Variants in ESRRG observed in about 807,000 individuals in gnomAD.
The protein encoded by ESRRG is estrogen related receptor gamma.
Under a neutral mutation model 44.0 loss-of-function variants are expected in ESRRG, and 13 were observed. The observed-to-expected ratio is 0.30, with a 90% CI of 0.19 to 0.47. ESRRG has a LOEUF of 0.47. Among genes scored for constraint, ESRRG ranks in the 20% least tolerant of loss-of-function variants. ESRRG has a pLI of 1.00. For missense variants in ESRRG, 395 were observed against 580.6 expected (o/e 0.68, Z 3.29); for synonymous variants, 215 against 214.6 (o/e 1.00, Z -0.02).
intron 1 of ESRRG, among the ~76,000 whole-genome samples, chr1:217,070,183 T>G (rs2090375056): frequency 6.6e-6 from 1 of 152,094 alleles, no homozygotes; most frequent in South Asian, 2.1e-4. Context: ...ACTACATAAC[T>G]CAGTTTCTTC....
chr1:216,521,030 G>GA (rs2045945302), intron 5 of ESRRG, among the ~76,000 whole-genome samples: 1 of 152,124 alleles, frequency 6.6e-6, no homozygotes, highest in South Asian at 2.1e-4. Flanking sequence ...CATCAGAAGA[G>GA]ATGAGTCAAG....
intron 1 of ESRRG, among the ~76,000 whole-genome samples, chr1:216,961,338 A>G (rs1055215354): frequency 1.2e-4 from 18 of 152,218 alleles, no homozygotes; most frequent in Non-Finnish European, 1.9e-4. Context: ...CAGTCAGCAA[A>G]AAGAAAATTA....
chr1:216,878,223 T>C (rs1346085772), intron 2 of ESRRG, among the ~76,000 whole-genome samples: 1 of 152,230 alleles, frequency 6.6e-6, no homozygotes, highest in Admixed American at 6.5e-5. Flanking sequence ...ATTCCTCTTC[T>C]GTAAACTGCC....
intron 1 of ESRRG, among the ~76,000 whole-genome samples, chr1:216,951,451 A>G (rs1187564924): frequency 6.6e-6 from 1 of 152,142 alleles, no homozygotes; most frequent in Non-Finnish European, 1.5e-5. Flanking sequence ...TTAAGCTGTC[A>G]CTCAAAAACT....
At chr1:216,669,261 T>C (rs1274982676) in intron 2 of ESRRG, among the ~76,000 whole-genome samples, 1 of 152,168 alleles carries the variant, frequency 6.6e-6, no homozygotes, top group Non-Finnish European at 1.5e-5. Flanking sequence ...AAAAGTATAA[T>C]TTAGGTGACT....
At chr1:216,592,907 G>A (rs944270325) in intron 3 of ESRRG, among the ~76,000 whole-genome samples, 8 of 152,062 alleles carry the variant, frequency 5.3e-5, no homozygotes, top group South Asian at 2.1e-4. Context: ...CATCTGATTC[G>A]CATATTTATT....
chr1:217,073,344 T>C (rs1440869083), intron 1 of ESRRG, among the ~76,000 whole-genome samples: 1 of 152,016 alleles, frequency 6.6e-6, no homozygotes, highest in Non-Finnish European at 1.5e-5. Flanking sequence ...AGGAGATTAG[T>C]TGTTGGAAGG....
At chr1:216,746,267 G>A (rs1341008172) in intron 2 of ESRRG, among the ~76,000 whole-genome samples, 2 of 152,266 alleles carry the variant, frequency 1.3e-5, no homozygotes, top group East Asian at 3.9e-4. Flanking sequence ...TCTGCTGCCA[G>A]GGTCTGAACT....
intron 3 of ESRRG, among the ~76,000 whole-genome samples, chr1:216,618,831 G>A (rs942710831): frequency 6.6e-6 from 1 of 152,234 alleles, no homozygotes; most frequent in Non-Finnish European, 1.5e-5. Flanking sequence ...AATTCTCAAA[G>A]AGAGATATAT....
chr1:217,080,633 TTTTG>T lies in ESRRG; in HGVS notation c.-106+8870_-106+8873del, dbSNP rs200325050. On this transcript the variant is annotated intron_variant, in intron 1 of 7. Transcript: ENST00000359162. ...GGGTCCACTCCAGTTTCTAGTGTTT[TTTTG>T]TTTGTTTGTTTGTTTGTTTGTTTTG... 3.5e-3 allele frequency among the ~76,000 whole-genome samples: 524 copies of T among 151,282 alleles called. 7 individuals carry two copies. The highest frequency in any genetic ancestry group is 9.2e-3 in the South Asian group (44 of 4,802).
rs945010884 is a variant in ESRRG, at chr1:217,009,775, G to T, written c.-105-70102C>A. Among the ~76,000 whole-genome samples, 12 of 135,694 alleles carry T rather than the reference G, an allele frequency of 8.8e-5. 1 individual carries two copies. The highest frequency in any genetic ancestry group is 1.8e-4 in the Non-Finnish European group (12 of 65,466). 89.0% of individuals were successfully genotyped at this position (135,694 alleles called of 152,430 possible). On this transcript the variant is annotated intron_variant, in intron 1 of 7. Coordinates refer to the ESRRG transcript ENST00000359162. Reference sequence around the variant, plus strand: ...GGCTGGAGTGCAGTGGCACAGTCTTGGCTCACTGCAACCTCTGCCTCCTGG... The same window carrying T: ...GGCTGGAGTGCAGTGGCACAGTCTTTGCTCACTGCAACCTCTGCCTCCTGG...
intron 1 of ESRRG, among the ~76,000 whole-genome samples, chr1:216,691,597 C>T (rs535119406): frequency 3.3e-5 from 5 of 152,256 alleles, no homozygotes; most frequent in Non-Finnish European, 5.9e-5. Context: ...AATTATACAG[C>T]TAATTCATGT....
chr1:217,006,761 A>T (rs550154202), intron 1 of ESRRG, among the ~76,000 whole-genome samples: 1 of 152,008 alleles, frequency 6.6e-6, no homozygotes, highest in Non-Finnish European at 1.5e-5. Context: ...TTTGACTGAA[A>T]CCCATTACAT....
chr1:216,857,739 A>T (rs935667578), intron 2 of ESRRG, among the ~76,000 whole-genome samples: 1 of 146,262 alleles, frequency 6.8e-6, no homozygotes, highest in African/African-American at 2.7e-5. Flanking sequence ...AAAAAAAAAA[A>T]GTCCCTTCAT....
intron 2 of ESRRG, among the ~76,000 whole-genome samples, chr1:216,753,749 G>A (rs1361332): frequency 0.27 from 40,463 of 151,910 alleles, 6,694 homozygotes; most frequent in African/African-American, 0.47. Flanking sequence ...TGAAAAGCCA[G>A]GACCCTTTGG....
At chr1:216,518,622 T>A (rs368178397) in intron 6 of ESRRG, among the ~76,000 whole-genome samples, 1 of 152,218 alleles carries the variant, frequency 6.6e-6, no homozygotes, top group Non-Finnish European at 1.5e-5. Flanking sequence ...AGTTCGAATG[T>A]AAAGACCAGT....
intron 3 of ESRRG, among the ~76,000 whole-genome samples, chr1:216,602,539 T>C (rs1193024578): frequency 6.6e-6 from 1 of 152,184 alleles, no homozygotes; most frequent in African/African-American, 2.4e-5. Flanking sequence ...ATCCCCAGCC[T>C]GACCTGGAAC....
intron 3 of ESRRG, among the ~76,000 whole-genome samples, chr1:216,630,894 C>A (rs558470468): frequency 1.3e-5 from 2 of 148,976 alleles, no homozygotes; most frequent in Admixed American, 6.8e-5. Flanking sequence ...AACCTAATTT[C>A]TCCATAGATA....
At chr1:216,723,101 G>GGC (rs2086698841) in intron 1 of ESRRG, 143 bp downstream of exon 1, 1 of 669,984 alleles carries the variant, frequency 1.5e-6, no homozygotes. Context: ...CAACACAAAA[G>GGC]ACACAAGACA....
Sources: gnomAD v4.1 joint callset for allele counts (sites outside exome capture counted in the v4.1 genomes callset) on GRCh38, gnomAD v4.1.1 for gene constraint, MANE v1.5 for transcripts, NCBI Gene and HGNC (gene_info 2026-07-23, HGNC 2026-07-21) for gene names.